The following MED23 variants were observed in gnomAD, a reference collection of about 807,000 sequenced individuals.
MED23 encodes the protein mediator of RNA polymerase II transcription subunit 23.
A neutral mutation model predicts 163.9 loss-of-function variants in MED23; 105 were observed. The ratio of observed to expected loss-of-function variants is 0.64; its 90% CI spans 0.55 to 0.75. The LOEUF (loss-of-function observed/expected upper bound fraction) is 0.75, where lower values mean the gene tolerates loss of function less well. Among genes scored for constraint, MED23 ranks in the 30% least tolerant of loss-of-function variants. The pLI is 0.00. For synonymous variants in MED23, 561 were observed against 565.6 expected, an observed-to-expected ratio of 0.99 and a Z score of 0.12; for missense variants, 1,054 against 1,649.0, an observed-to-expected ratio of 0.64 and a Z score of 6.25.
chr6:131,579,346 GAA>G, intron 30 of MED23: 4 of 1,578,372 alleles, frequency 2.5e-6, no homozygotes, highest in Non-Finnish European at 3.5e-6. Flanking sequence ...AAGGCCATAA[GAA>G]GAGAGAAAAT....
chr6:131,579,667 A>G (rs1192315962), intron 30 of MED23: 1 of 163,380 alleles, frequency 6.1e-6, no homozygotes, highest in Non-Finnish European at 1.3e-5. Flanking sequence ...TTTCATTATA[A>G]AAGTAATGAT....
intron 22 of MED23, 132 bp downstream of exon 22, chr6:131,595,815 C>T: frequency 1.4e-6 from 1 of 714,034 alleles, no homozygotes; most frequent in Admixed American, 2.4e-5. Context: ...ATCCATAGTA[C>T]TTATCCTCAA....
intron 9 of MED23, 51 bp downstream of exon 9, chr6:131,618,356 G>A (rs541975794): frequency 8.4e-7 from 1 of 1,184,908 alleles, no homozygotes; most frequent in Non-Finnish European, 1.3e-6. Context: ...TTATAATCTA[G>A]GTTGAAGACT....
At chr6:131,579,080 A>G in intron 30 of MED23, 3 of 1,610,668 alleles carry the variant, frequency 1.9e-6, no homozygotes, top group Non-Finnish European at 1.7e-6. Context: ...TCTACTTTTT[A>G]ATTTAGTAAC....
chr6:131,595,710 G>A (rs921578993), intron 22 of MED23, among the ~76,000 whole-genome samples: 4 of 152,060 alleles, frequency 2.6e-5, no homozygotes, highest in Non-Finnish European at 4.4e-5. Flanking sequence ...CAAGAAGGCC[G>A]CCAAGATCTG....
chr6:131,596,058 G>A lies in MED23; in HGVS notation c.2884C>T (p.Arg962Ter), dbSNP rs150404447. 5.0e-6 allele frequency: 8 copies of A among 1,613,896 alleles called. No individual in the cohort carries two copies. Among genetic ancestry groups the A allele is most frequent in the African/African-American group, 2.7e-5 (2 of 74,910 alleles). ...ACTATATCAAATACTGGAAGGAATC[G>A]AAGACACACATTCCCAAAATAGATG... The part of the protein sequence containing the change: ...LPIYFGNVCL[R>*]FLPVFDIVIH... Residue 962 changes from arginine to a stop codon, truncating the protein, a stop_gained, in exon 22 of 29, where the codon CGA becomes TGA. Transcript: ENST00000368068. LOFTEE classifies it high-confidence loss of function.
At chr6:131,604,452 T>A in intron 14 of MED23, 132 bp from the exon 15 acceptor site, 1 of 1,050,598 alleles carries the variant, frequency 9.5e-7, no homozygotes, top group Non-Finnish European at 1.4e-6. Flanking sequence ...ATTTAATGTG[T>A]TTAAGCTGTG....
chr6:131,600,810 C>T (rs1388946594), intron 17 of MED23, among the ~76,000 whole-genome samples: 1 of 152,124 alleles, frequency 6.6e-6, no homozygotes, highest in Non-Finnish European at 1.5e-5. Context: ...AACTGCTGGT[C>T]CTAAGCACAA....
At chr6:131,624,404 C>T (rs1384028878) in intron 4 of MED23, among the ~76,000 whole-genome samples, 1 of 152,170 alleles carries the variant, frequency 6.6e-6, no homozygotes, top group African/African-American at 2.4e-5. Context: ...AGCTGAGGTT[C>T]CAGATGACAG....
rs1324518706 is a variant in MED23, at chr6:131,586,846, A to C, written c.*833T>G. The C allele has an allele frequency of 6.0e-6, 9 of 1,499,222 alleles. No homozygotes were observed. The highest frequency in any genetic ancestry group is 8.1e-6 in the Non-Finnish European group (9 of 1,104,470). 92.9% of individuals were successfully genotyped at this position (1,499,222 alleles called of 1,614,324 possible). On this transcript the variant is annotated 3_prime_UTR_variant, in exon 29 of 29. Coordinates refer to ENST00000368068, the MANE Select transcript of MED23 (RefSeq NM_004830.4). ...AATGTCTCTCAAAATCCAAGAAATA[A>C]AATGTGTACTGTATTTACAAATATA... is the stretch of plus-strand genomic sequence containing the variant.
Position 131,610,252 on chromosome 6 carries a change from G to C in MED23, c.877-6C>G, listed in dbSNP as rs1392572313. On this transcript the variant is annotated splice_region_variant and splice_polypyrimidine_tract_variant and intron_variant, in intron 10 of 28. Coordinates refer to ENST00000368068, the MANE Select transcript of MED23 (RefSeq NM_004830.4). ...ACAGGGCAGCGCTGCTTGTGCTGTA[G>C]GGCAGAGATTAAATACAGTATTCCA... 2.5e-6 allele frequency: 4 copies of C among 1,613,188 alleles called. No individual in the cohort carries two copies. Among genetic ancestry groups the C allele is most frequent in the Non-Finnish European group, 3.4e-6 (4 of 1,179,596 alleles).
intron 30 of MED23, chr6:131,579,116 G>GA (rs1486740324): frequency 6.2e-7 from 1 of 1,614,002 alleles, no homozygotes; most frequent in Non-Finnish European, 8.5e-7. Flanking sequence ...TTTAGAGTGT[G>GA]ATGTGAAGGA....
chr6:131,578,548 A>G (rs935917277), intron 30 of MED23, among the ~76,000 whole-genome samples: 1 of 152,218 alleles, frequency 6.6e-6, no homozygotes, highest in Non-Finnish European at 1.5e-5. Context: ...TGTTAGGCTC[A>G]GTGCTAAGTA....
chr6:131,587,415 T>A lies in MED23; in HGVS notation c.*264A>T. ...GACAAGTCATTTGATCACAGATACC[T>A]CTATGTTCCTACATAGCTCTAATAA... On this transcript the variant is annotated 3_prime_UTR_variant, in exon 29 of 29. Coordinates refer to ENST00000368068, the MANE Select transcript of MED23 (RefSeq NM_004830.4). 4 of 1,287,050 alleles carry A rather than the reference T, an allele frequency of 3.1e-6. No individual in the cohort carries two copies. The highest frequency in any genetic ancestry group is 3.9e-6 in the Non-Finnish European group (4 of 1,012,696). The allele number at this position is 1,287,050 out of a possible 1,614,324, so 79.7% of individuals were successfully genotyped here.
Position 131,593,045 on chromosome 6 carries a change from T to C in MED23, c.3359A>G (p.Lys1120Arg). The C allele has an allele frequency of 6.2e-7, 1 of 1,614,202 alleles. No individual in the cohort carries two copies. Among genetic ancestry groups the C allele is most frequent in the Non-Finnish European group, 8.5e-7 (1 of 1,180,034 alleles). The change falls in exon 24 of 29, where the codon AAA (lysine) becomes AGA (arginine). Residue 1120 changes from lysine (K) to arginine (R), a missense_variant. This residue lies in a region of MED23 where 362 missense variants were observed against 471.6 expected (regional missense o/e 0.77). Transcript: ENST00000368068. Reference sequence around the variant, plus strand: ...ATTTAGAAGGGCATTCCCAACTTCTTTGCCTGAAACTGCCAAGGCCATGAG... The same window carrying C: ...ATTTAGAAGGGCATTCCCAACTTCTCTGCCTGAAACTGCCAAGGCCATGAG... ...VELMALAVSG[K>R]EVGNALLNVV...
Position 131,598,070 on chromosome 6 carries a change from A to T in MED23, c.2607+217T>A, listed in dbSNP as rs1198289686. Among the ~76,000 whole-genome samples, 1 of 151,452 alleles carries T rather than the reference A, an allele frequency of 6.6e-6. No individual in the cohort carries two copies. The highest frequency in any genetic ancestry group is 2.5e-5 in the African/African-American group (1 of 40,736). On this transcript the variant is annotated intron_variant, in intron 20 of 28. Coordinates refer to ENST00000368068, the MANE Select transcript of MED23 (RefSeq NM_004830.4). This position sits in a 1 kb window ranked among gnomAD's most constrained non-coding sequence, Gnocchi z 4.7. Reference sequence around the variant, plus strand: ...CATGATCACGCCACTGCACTGGGCGACAGAGCGAGACCCTGTCTCAAAAAA... The same window carrying T: ...CATGATCACGCCACTGCACTGGGCGTCAGAGCGAGACCCTGTCTCAAAAAA...
chr6:131,604,355 A>G (rs1237703186), intron 14 of MED23, 35 bp from the exon 15 acceptor site: 3 of 1,608,394 alleles, frequency 1.9e-6, no homozygotes, highest in East Asian at 2.2e-5. Flanking sequence ...ATAAAAATCC[A>G]TATTTTTGAC....
chr6:131,593,236 A>G, intron 23 of MED23, 65 bp from the exon 24 acceptor site: 2 of 1,591,724 alleles, frequency 1.3e-6, no homozygotes, highest in South Asian at 1.1e-5. Context: ...TCTGATTATG[A>G]GCTGCCAAGA....
intron 17 of MED23, 47 bp downstream of exon 17, chr6:131,602,171 A>T (rs1775533101): frequency 6.3e-7 from 1 of 1,582,790 alleles, no homozygotes. Context: ...GAATCATGGC[A>T]CACTTTAATT....
Sources: gnomAD v4.1 joint callset for allele counts (sites outside exome capture counted in the v4.1 genomes callset) on GRCh38, gnomAD v4.1.1 for gene constraint, gnomAD v4.1.1 regional missense constraint, Gnocchi (gnomAD v3.1) non-coding constraint, MANE v1.5 for transcripts, NCBI Gene and HGNC (gene_info 2026-07-23, HGNC 2026-07-21) for gene names.